CTPS2: variants seen among roughly 807,000 people sequenced by gnomAD.
The protein encoded by CTPS2 is CTP synthase 2, also known as CTP synthase II.
Under a neutral mutation model 46.8 loss-of-function variants are expected in CTPS2, and 19 were observed. The ratio of observed to expected loss-of-function variants is 0.41; its 90% CI spans 0.28 to 0.60. The LOEUF (loss-of-function observed/expected upper bound fraction) is 0.60, where lower values mean the gene tolerates loss of function less well. Among genes scored for constraint, CTPS2 ranks in the 20% least tolerant of loss-of-function variants. The probability of loss-of-function intolerance (pLI) is 0.35; values close to 1 mark genes in which losing one functional copy is unlikely to be tolerated. For synonymous variants in CTPS2, 151 were observed against 165.2 expected (o/e 0.91, Z 0.66); for missense variants, 286 against 447.6 (o/e 0.64, Z 3.26).
At chrX:16,614,803 G>T (rs1328120588) in intron 16 of CTPS2, among the ~76,000 whole-genome samples, 1 of 111,510 alleles carries the variant, frequency 9.0e-6, no homozygotes, top group African/African-American at 3.3e-5. Context: ...CAGCACTTTG[G>T]GAGGCTGAGG....
intron 17 of CTPS2, among the ~76,000 whole-genome samples, chrX:16,592,967 A>T (rs949318657): frequency 9.0e-6 from 1 of 111,163 alleles, no homozygotes; most frequent in Non-Finnish European, 1.9e-5. Context: ...TTTCACTCTG[A>T]GCTGTGGGGT....
chrX:16,647,266 T>C (rs1173789602), intron 13 of CTPS2, among the ~76,000 whole-genome samples: 1 of 93,504 alleles, frequency 1.1e-5, no homozygotes. Context: ...TTTTTTTTTT[T>C]TTTTTTTTTT....
At chrX:16,665,989 T>C (rs1428262370) in intron 13 of CTPS2, among the ~76,000 whole-genome samples, 2 of 112,319 alleles carry the variant, frequency 1.8e-5, no homozygotes, top group East Asian at 5.5e-4. Context: ...TGACCTCAAG[T>C]GATTGACCTG....
rs367668826 is a variant in CTPS2, at chrX:16,689,610, C to T, written c.721-9G>A. The stretch of plus-strand genomic sequence containing the variant: ...TCATGGATACATATGACCTAAGTGG[C>T]GATGAGAAATCACCATACTTAGATG... On this transcript the variant is annotated splice_polypyrimidine_tract_variant and intron_variant, in intron 7 of 18. Transcript: ENST00000359276. 17 of 1,189,130 alleles carry T rather than the reference C, an allele frequency of 1.4e-5. No individual in the cohort carries two copies. Among genetic ancestry groups the T allele is most frequent in the Admixed American group, 1.4e-4 (6 of 43,703 alleles).
chrX:16,632,118 T>C (rs1365889936), intron 14 of CTPS2, among the ~76,000 whole-genome samples: 8 of 111,473 alleles, frequency 7.2e-5, no homozygotes, highest in Non-Finnish European at 5.6e-5. Flanking sequence ...AGACAAGCCC[T>C]ACTATCTAAC....
chrX:16,678,582 T>G, intron 9 of CTPS2, 132 bp from the exon 10 acceptor site: 4 of 460,602 alleles, frequency 8.7e-6, no homozygotes, highest in Non-Finnish European at 1.5e-5. Flanking sequence ...GCACTAGGGA[T>G]AGAAAAACAG....
At chrX:16,590,190 T>A (rs1172483227) in intron 18 of CTPS2, among the ~76,000 whole-genome samples, 1 of 109,978 alleles carries the variant, frequency 9.1e-6, no homozygotes, top group Non-Finnish European at 1.9e-5. Context: ...TACAAAGAAA[T>A]CAAATACTAT....
intron 2 of CTPS2, among the ~76,000 whole-genome samples, chrX:16,702,081 G>A (rs1419637392): frequency 9.0e-6 from 1 of 110,999 alleles, no homozygotes; most frequent in South Asian, 3.8e-4. Context: ...TTGAGACAGA[G>A]TCTCGCTCTG....
Position 16,603,310 on chromosome X carries a change from G to A in CTPS2, c.1691+6231C>T, listed in dbSNP as rs538462894. ...CGGGCACCTGTAATCCCAGCCACTC[G>A]GGAGGCTGAGGCAGAGAATTGCTTG... is the stretch of plus-strand genomic sequence containing the variant. On this transcript the variant is annotated intron_variant, in intron 17 of 18. Coordinates refer to ENST00000359276, the MANE Select transcript of CTPS2 (RefSeq NM_175859.3). Among the ~76,000 whole-genome samples, 34 of 109,581 alleles carry A rather than the reference G, an allele frequency of 3.1e-4. 1 individual carries two copies. The South Asian group carries it at 0.012, about 38-fold the overall frequency.
chrX:16,638,795 T>A (rs770859264), intron 14 of CTPS2: 1 of 386,693 alleles, frequency 2.6e-6, no homozygotes, highest in Non-Finnish European at 5.1e-6. Flanking sequence ...TGGAGAGAAC[T>A]GTGGATTCAA....
intron 12 of CTPS2, 40 bp from the exon 13 acceptor site, chrX:16,667,597 G>C: frequency 4.2e-6 from 5 of 1,202,588 alleles, no homozygotes; most frequent in Non-Finnish European, 5.6e-6. Flanking sequence ...CACCAATAGT[G>C]CTGAAAAATA....
intron 14 of CTPS2, among the ~76,000 whole-genome samples, chrX:16,623,331 T>C (rs2147209140): frequency 9.0e-6 from 1 of 111,724 alleles, no homozygotes; most frequent in African/African-American, 3.3e-5. Context: ...ATAGTCACCC[T>C]GTTGTGCTAT....
At chrX:16,615,360 C>T (rs1339555059) in intron 16 of CTPS2, among the ~76,000 whole-genome samples, 1 of 111,192 alleles carries the variant, frequency 9.0e-6, no homozygotes, top group Non-Finnish European at 1.9e-5. Context: ...AAATTAAAAG[C>T]AGCCATAGAC....
Position 16,589,455 on chromosome X carries a change from A to G in CTPS2, c.*362T>C. 8.9e-6 allele frequency: 1 copy of G among 112,410 alleles called. No homozygotes were observed. The highest frequency in any genetic ancestry group is 2.8e-4 in the East Asian group (1 of 3,591). The allele number at this position is 112,410 out of a possible 1,213,427, so 9.3% of individuals were successfully genotyped here. ...CAGCATGTTCCCTGCCATCCTTTCCATACAACACAGCAAAGGCACAGTGAC... is the reference window on the plus strand; with the variant it reads ...CAGCATGTTCCCTGCCATCCTTTCCGTACAACACAGCAAAGGCACAGTGAC... On this transcript the variant is annotated 3_prime_UTR_variant, in exon 19 of 19. Transcript: ENST00000359276.
chrX:16,647,103 T>C (rs1249603088), intron 13 of CTPS2, among the ~76,000 whole-genome samples: 2 of 110,820 alleles, frequency 1.8e-5, no homozygotes, highest in Non-Finnish European at 3.8e-5. Context: ...TTTAAGTCTA[T>C]GGGTAAAGAG....
intron 4 of CTPS2, among the ~76,000 whole-genome samples, chrX:16,697,045 C>G (rs1185387275): frequency 5.4e-5 from 6 of 111,609 alleles, no homozygotes; most frequent in Admixed American, 9.7e-5. Context: ...TGACACCATT[C>G]TAAGCACTAA....
At chrX:16,703,931 CTTTTTTTTT>C (rs59145743) in intron 1 of CTPS2, among the ~76,000 whole-genome samples, 1 of 92,601 alleles carries the variant, frequency 1.1e-5, no homozygotes, top group African/African-American at 3.9e-5. Flanking sequence ...TGGGCAAGTT[CTTTTTTTTT>C]TTTTTTTCTT....
At chrX:16,700,397 G>C (rs1266629641) in intron 2 of CTPS2, among the ~76,000 whole-genome samples, 1 of 108,274 alleles carries the variant, frequency 9.2e-6, no homozygotes, top group African/African-American at 3.4e-5. Flanking sequence ...GATTACAGGC[G>C]TGAGCCACCG....
intron 1 of CTPS2, among the ~76,000 whole-genome samples, chrX:16,704,363 G>A (rs1192416273): frequency 8.9e-6 from 1 of 112,176 alleles, no homozygotes. Flanking sequence ...AAAAAACATG[G>A]AGGAATCTCA....
Sources: allele counts gnomAD v4.1 joint callset (sites outside exome capture counted in the v4.1 genomes callset), GRCh38; gene constraint gnomAD v4.1.1; transcripts MANE v1.5; gene names NCBI Gene and HGNC (gene_info 2026-07-23, HGNC 2026-07-21).